SPTBN1: variants seen among roughly 807,000 people sequenced by gnomAD.
The protein encoded by SPTBN1 is spectrin beta, non-erythrocytic 1.
A neutral mutation model predicts 266.4 loss-of-function variants in SPTBN1; 32 were observed. That is an observed-to-expected ratio of 0.12 (90% CI 0.09 to 0.16). The LOEUF (loss-of-function observed/expected upper bound fraction) is 0.16, where lower values mean the gene tolerates loss of function less well. Among genes scored for constraint, SPTBN1 ranks in the 10% least tolerant of loss-of-function variants. The probability of loss-of-function intolerance (pLI) is 1.00; values close to 1 mark genes in which losing one functional copy is unlikely to be tolerated. For synonymous variants in SPTBN1, 1,336 were observed against 1,162.2 expected (o/e 1.15, Z -3.04); for missense variants, 2,296 against 3,067.1 (o/e 0.75, Z 5.94).
At chr2:54,606,808 G>A (rs180839991) in intron 3 of SPTBN1, among the ~76,000 whole-genome samples, 2 of 152,320 alleles carry the variant, frequency 1.3e-5, no homozygotes, top group East Asian at 3.9e-4. Flanking sequence ...GGATAGGAGC[G>A]TAATGGTGTC....
intron 1 of SPTBN1, among the ~76,000 whole-genome samples, chr2:54,508,746 A>G (rs1385851500): frequency 1.3e-5 from 2 of 152,194 alleles, no homozygotes; most frequent in African/African-American, 4.8e-5. Flanking sequence ...TTGGAACGCT[A>G]GCTGCTTTTT....
At chr2:54,599,586 T>G (rs897007927) in intron 3 of SPTBN1, among the ~76,000 whole-genome samples, 1 of 152,218 alleles carries the variant, frequency 6.6e-6, no homozygotes, top group Non-Finnish European at 1.5e-5. Context: ...GTGTCCCACA[T>G]GCGATGATGG....
chr2:54,634,316 A>G (rs536499181), intron 17 of SPTBN1, among the ~76,000 whole-genome samples: 102 of 152,346 alleles, frequency 6.7e-4, no homozygotes, highest in Non-Finnish European at 1.2e-3. Flanking sequence ...AAAACGTTTC[A>G]GCAGCAGCAG....
chr2:54,618,238 C>A, intron 7 of SPTBN1, 45 bp downstream of exon 7: 2 of 1,441,422 alleles, frequency 1.4e-6, no homozygotes, highest in Non-Finnish European at 9.6e-7. Flanking sequence ...GCATCTGTAC[C>A]ATCCAGGTGT....
intron 1 of SPTBN1, among the ~76,000 whole-genome samples, chr2:54,518,558 TTGG>T (rs1290497060): frequency 4.6e-5 from 7 of 152,154 alleles, no homozygotes; most frequent in African/African-American, 1.7e-4. Context: ...GATTTGCAGT[TTGG>T]TGCCTTCAGA....
At chr2:54,565,835 C>CTG (rs1308458430) in intron 2 of SPTBN1, among the ~76,000 whole-genome samples, 3 of 152,216 alleles carry the variant, frequency 2.0e-5, no homozygotes, top group African/African-American at 7.2e-5. Flanking sequence ...GTTTCCATGA[C>CTG]TGTATTCCTT....
chr2:54,605,488 C>G (rs1014299105), intron 3 of SPTBN1, among the ~76,000 whole-genome samples: 1 of 152,222 alleles, frequency 6.6e-6, no homozygotes, highest in African/African-American at 2.4e-5. Context: ...TCACAGTTGT[C>G]AACCACCTAG....
chr2:54,542,396 C>T (rs1558822263), intron 2 of SPTBN1, among the ~76,000 whole-genome samples: 1 of 152,180 alleles, frequency 6.6e-6, no homozygotes, highest in Non-Finnish European at 1.5e-5. Context: ...AAGAGTTTAG[C>T]CTTTATCCTG....
intron 1 of SPTBN1, among the ~76,000 whole-genome samples, chr2:54,481,252 T>G (rs972940198): frequency 6.6e-6 from 1 of 152,198 alleles, no homozygotes; most frequent in Non-Finnish European, 1.5e-5. Context: ...CTTGCTGTTT[T>G]TGATTTTCAG....
At chr2:54,532,743 C>G (rs1236054567) in intron 2 of SPTBN1, among the ~76,000 whole-genome samples, 3 of 152,194 alleles carry the variant, frequency 2.0e-5, no homozygotes, top group Non-Finnish European at 4.4e-5. Flanking sequence ...CTAAGCTGGA[C>G]TTTTTGGAAA....
At chr2:54,482,066 G>T (rs1369641185) in intron 1 of SPTBN1, among the ~76,000 whole-genome samples, 1 of 152,064 alleles carries the variant, frequency 6.6e-6, no homozygotes, top group Non-Finnish European at 1.5e-5. Flanking sequence ...ATGATGAGTG[G>T]GATATTTGGC....
At chr2:54,526,844 A>G (rs2104326285) in intron 2 of SPTBN1, 1 of 299,360 alleles carries the variant, frequency 3.3e-6, no homozygotes, top group Non-Finnish European at 6.2e-6. Context: ...TTTATTTTTG[A>G]CAAATCTTAC....
chr2:54,616,114 G>A, intron 4 of SPTBN1, 93 bp from the exon 5 acceptor site: 2 of 1,042,262 alleles, frequency 1.9e-6, no homozygotes, highest in South Asian at 3.3e-5. Context: ...ATGATCTACA[G>A]TTTATTCTTT....
chr2:54,644,998 CTG>C (rs1345183654), intron 20 of SPTBN1, among the ~76,000 whole-genome samples: 3 of 152,300 alleles, frequency 2.0e-5, no homozygotes, highest in Non-Finnish European at 2.9e-5. Context: ...ATAAAAATAA[CTG>C]TTTATATTAT....
chr2:54,591,105 A>AT (rs142409651), intron 2 of SPTBN1, among the ~76,000 whole-genome samples: 2,429 of 152,240 alleles, frequency 0.016, 22 homozygotes, highest in Non-Finnish European at 0.026. Context: ...TCTTTTTGTT[A>AT]TTTTTTAACT....
At chr2:54,495,600 C>G (rs919446139) in intron 1 of SPTBN1, among the ~76,000 whole-genome samples, 1 of 151,428 alleles carries the variant, frequency 6.6e-6, no homozygotes, top group Non-Finnish European at 1.5e-5. Flanking sequence ...GTGCTAAATA[C>G]TTTTAACATT....
intron 2 of SPTBN1, among the ~76,000 whole-genome samples, chr2:54,534,591 A>G (rs1258478431): frequency 6.6e-6 from 1 of 152,190 alleles, no homozygotes; most frequent in Non-Finnish European, 1.5e-5. Flanking sequence ...AGGTGGAAGA[A>G]TCTTTGCTTT....
intron 2 of SPTBN1, among the ~76,000 whole-genome samples, chr2:54,586,737 G>A (rs1675323648): frequency 6.6e-6 from 1 of 152,124 alleles, no homozygotes; most frequent in Non-Finnish European, 1.5e-5. Flanking sequence ...TAGCTTTTTG[G>A]ATTCAATGAA....
chr2:54,564,577 A>AT (rs1465277193), intron 2 of SPTBN1, among the ~76,000 whole-genome samples: 1 of 152,112 alleles, frequency 6.6e-6, no homozygotes, highest in African/African-American at 2.4e-5. Flanking sequence ...CCACACCTGT[A>AT]CCCCACAGAA....
Sources: allele counts gnomAD v4.1 joint callset (sites outside exome capture counted in the v4.1 genomes callset), GRCh38; gene constraint gnomAD v4.1.1; transcripts MANE v1.5; gene names NCBI Gene and HGNC (gene_info 2026-07-23, HGNC 2026-07-21).